The following HEXB variants were observed in gnomAD, a reference collection of about 807,000 sequenced individuals.
HEXB encodes the protein hexosaminidase subunit beta.
HEXB carries 51 observed loss-of-function variants against 71.2 expected under a neutral mutation model. The observed-to-expected ratio is 0.72, with a 90% CI of 0.57 to 0.90. The LOEUF (loss-of-function observed/expected upper bound fraction) is 0.90. HEXB is among the 40% of genes least tolerant of loss of function. The probability of loss-of-function intolerance (pLI) is 0.00; values close to 1 mark genes in which losing one functional copy is unlikely to be tolerated. For missense variants in HEXB, 617 were observed against 677.0 expected (o/e 0.91, Z 0.98); for synonymous variants, 266 against 249.3 (o/e 1.07, Z -0.63).
In HEXB at chr5:74,718,856, TAG is replaced by T. The variant is rs779328596; in HGVS notation, c.1305_1306del (p.Arg435SerfsTer20). The stretch of plus-strand genomic sequence containing the variant: ...ACAGCGCATATCCTGAGGAACTCAG[TAG>T]AGTCACAGCATCTGGCTTCCCTGTA... ...KDSAYPEELS[R>X]VTASGFPVIL... On this transcript the variant is annotated frameshift_variant, in exon 11 of 14. Coordinates refer to ENST00000261416, the MANE Select transcript of HEXB (RefSeq NM_000521.4). LOFTEE classifies it high-confidence loss of function. 5.6e-6 allele frequency: 9 copies of T among 1,613,992 alleles called. No homozygotes were observed. The highest frequency in any genetic ancestry group is 1.7e-5 in the Admixed American group (1 of 60,008).
At chr5:74,677,187 G>A (rs1748647294) in intron 1 of HEXB, among the ~76,000 whole-genome samples, 1 of 152,004 alleles carries the variant, frequency 6.6e-6, no homozygotes. Context: ...AGCATACGTT[G>A]TTCTTTGCAT....
chr5:74,658,334 A>G (rs540586240), intron 1 of HEXB, among the ~76,000 whole-genome samples: 3 of 152,320 alleles, frequency 2.0e-5, no homozygotes, highest in South Asian at 4.1e-4. Context: ...AATAATAACT[A>G]AAAAGCAAAG....
intron 1 of HEXB, among the ~76,000 whole-genome samples, chr5:74,657,294 C>A: frequency 6.6e-6 from 1 of 152,146 alleles, no homozygotes; most frequent in Non-Finnish European, 1.5e-5. Flanking sequence ...CCCCAGATAC[C>A]CACCACTCTC....
chr5:74,674,022 A>G (rs752069984), intron 1 of HEXB, among the ~76,000 whole-genome samples: 1 of 152,196 alleles, frequency 6.6e-6, no homozygotes, highest in Non-Finnish European at 1.5e-5. Flanking sequence ...CACCAACTCC[A>G]AAGGAATGGA....
chr5:74,715,474 ACTT>A (rs1561226627), intron 7 of HEXB, 33 bp from the exon 8 acceptor site: 2 of 1,395,094 alleles, frequency 1.4e-6, no homozygotes, highest in Non-Finnish European at 2.0e-6. Flanking sequence ...TAATGAGTAC[ACTT>A]CTTTTAAAAA....
In HEXB at chr5:74,693,668, G is replaced by A; in HGVS notation, c.475G>A (p.Val159Ile). The change falls in exon 3 of 14, where the codon GTC becomes ATC. Residue 159 changes from valine to isoleucine, a missense_variant. Coordinates refer to ENST00000261416, the MANE Select transcript of HEXB (RefSeq NM_000521.4). ...TTTACTTGTGAAAGAACCAGTGGCT[G>A]TCCTTAAGGCCAACAGAGTTTGGGG... is the stretch of plus-strand genomic sequence containing the variant. ...YTLLVKEPVA[V>I]LKANRVWGAL... 1.9e-6 allele frequency: 3 copies of A among 1,613,190 alleles called. No individual in the cohort carries two copies. Among genetic ancestry groups the A allele is most frequent in the Non-Finnish European group, 2.5e-6 (3 of 1,179,094 alleles).
intron 1 of HEXB, among the ~76,000 whole-genome samples, chr5:74,687,143 T>C (rs931014711): frequency 3.3e-5 from 5 of 152,308 alleles, no homozygotes; most frequent in Admixed American, 2.6e-4. Context: ...TGCCTGGTAT[T>C]ATTAGGAAGC....
intron 1 of HEXB, among the ~76,000 whole-genome samples, chr5:74,679,009 G>T (rs181885338): frequency 6.6e-6 from 1 of 152,324 alleles, no homozygotes; most frequent in African/African-American, 2.4e-5. Flanking sequence ...TAGAGAAATG[G>T]ATACTCATAC....
intron 1 of HEXB, among the ~76,000 whole-genome samples, chr5:74,657,418 C>A (rs1288734355): frequency 6.6e-6 from 1 of 152,142 alleles, no homozygotes; most frequent in South Asian, 2.1e-4. Flanking sequence ...CTCCTATTAG[C>A]GAGCCTGTCC....
intron 1 of HEXB, among the ~76,000 whole-genome samples, chr5:74,653,492 C>G (rs552529344): frequency 6.6e-6 from 1 of 152,318 alleles, no homozygotes; most frequent in African/African-American, 2.4e-5. Context: ...GCTCCAAAAG[C>G]CAACCTTCCA....
chr5:74,697,842 C>T (rs889379222), intron 5 of HEXB, among the ~76,000 whole-genome samples: 6 of 151,764 alleles, frequency 4.0e-5, no homozygotes, highest in Admixed American at 1.3e-4. Context: ...GAAAGGAGTC[C>T]GGGAGCTCCT....
intron 5 of HEXB, among the ~76,000 whole-genome samples, chr5:74,698,393 A>AT (rs1242737674): frequency 3.1e-4 from 41 of 132,776 alleles, no homozygotes; most frequent in Non-Finnish European, 4.6e-4. Flanking sequence ...TATTATTATT[A>AT]TTATTTTTTT....
chr5:74,665,443 G>A (rs71627063), intron 1 of HEXB, among the ~76,000 whole-genome samples: 1 of 151,860 alleles, frequency 6.6e-6, no homozygotes, highest in Non-Finnish European at 1.5e-5. Context: ...TGTGTAGGAG[G>A]AGGAGAGTTG....
At chr5:74,647,185 T>C (rs1748017602) in intron 1 of HEXB, among the ~76,000 whole-genome samples, 1 of 152,196 alleles carries the variant, frequency 6.6e-6, no homozygotes. Flanking sequence ...GGCTCCTGGA[T>C]CCAAACTCTT....
chr5:74,699,990 CTG>C (rs1417658172), intron 5 of HEXB, among the ~76,000 whole-genome samples: 5 of 132,720 alleles, frequency 3.8e-5, no homozygotes, highest in African/African-American at 1.4e-4. Flanking sequence ...ATATTATAAA[CTG>C]TAAGTTTCCT....
intron 1 of HEXB, among the ~76,000 whole-genome samples, chr5:74,676,332 T>C (rs974981119): frequency 2.0e-5 from 3 of 152,310 alleles, no homozygotes; most frequent in Non-Finnish European, 4.4e-5. Context: ...GTAAAGACGG[T>C]GTCTCACTAT....
chr5:74,684,392 T>TCTCTCTCA (rs1748800556), upstream of HEXB, among the ~76,000 whole-genome samples: 5 of 152,336 alleles, frequency 3.3e-5, no homozygotes, highest in East Asian at 9.7e-4. Context: ...CAGGATTCCT[T>TCTCTCTCA]GGGCATGCTC....
intron 1 of HEXB, among the ~76,000 whole-genome samples, chr5:74,644,763 C>CTTTTTTTTTTTT (rs1747970041): frequency 1.2e-4 from 10 of 83,350 alleles, no homozygotes; most frequent in African/African-American, 5.1e-4. Flanking sequence ...TCTTTTTTTT[C>CTTTTTTTTTTTT]CTTTTTTTTT....
chr5:74,683,144 C>T (rs538570962), upstream of HEXB, among the ~76,000 whole-genome samples: 3 of 152,270 alleles, frequency 2.0e-5, no homozygotes, highest in East Asian at 5.8e-4. Flanking sequence ...GGATACGGTG[C>T]AGGGCCACTC....
Sources: gnomAD v4.1 joint callset for allele counts (sites outside exome capture counted in the v4.1 genomes callset) on GRCh38, gnomAD v4.1.1 for gene constraint, MANE v1.5 for transcripts, NCBI Gene and HGNC (gene_info 2026-07-23, HGNC 2026-07-21) for gene names.